The following TPCN1 variants were observed in gnomAD, a reference collection of about 807,000 sequenced individuals.
The protein encoded by TPCN1 is two pore segment channel 1, also known as two pore channel protein 1.
TPCN1 carries 52 observed loss-of-function variants against 108.8 expected under a neutral mutation model. That is an observed-to-expected ratio of 0.48 (90% CI 0.38 to 0.60). The LOEUF is 0.60. TPCN1 is among the 20% of genes least tolerant of loss of function. The probability of loss-of-function intolerance (pLI) is 0.00; values close to 1 mark genes in which losing one functional copy is unlikely to be tolerated. For synonymous variants in TPCN1, 446 were observed against 433.7 expected (o/e 1.03, Z -0.35); for missense variants, 806 against 1,072.8 (o/e 0.75, Z 3.47).
At position 113,268,342 on chromosome 12, in the gene TPCN1, C is replaced by T. The variant is rs548017489; in HGVS notation, c.528+386C>T. On this transcript the variant is annotated intron_variant, in intron 5 of 27. Coordinates refer to ENST00000335509, the MANE Select transcript of TPCN1 (RefSeq NM_017901.6). This position sits in a 1 kb window ranked among gnomAD's most constrained non-coding sequence, Gnocchi z 7.3. The stretch of plus-strand genomic sequence containing the variant: ...ACAGAGAGTGGCATGAGTAAGAGCA[C>T]GTCAAGGTGGCATTTTGTAGTGTGT... 9.9e-5 allele frequency among the ~76,000 whole-genome samples: 15 copies of T among 152,112 alleles called. No individual in the cohort carries two copies. The highest frequency in any genetic ancestry group is 1.6e-4 in the Non-Finnish European group (11 of 68,030).
chr12:113,293,006 A>G lies in TPCN1; in HGVS notation c.2186A>G (p.Glu729Gly), dbSNP rs1956317027. The change falls in exon 26 of 28, where the codon GAG becomes GGG. Residue 729 changes from glutamate to glycine, a missense_variant. Physicochemically the swap from Glu to Gly is moderately conservative, Grantham distance 98. Transcript: ENST00000335509. The stretch of plus-strand genomic sequence containing the variant: ...GTTGCCGTCCTGGAGCTCTACCGGG[A>G]GGCACGGGGGGCCTCCTCGGATGTC... ...ELVAVLELYR[E>G]ARGASSDVTR... The G allele has an allele frequency of 6.2e-7, 1 of 1,613,304 alleles. No homozygotes were observed. The highest frequency in any genetic ancestry group is 1.3e-5 in the African/African-American group (1 of 75,020).
chr12:113,261,589 C>T (rs1029654604), intron 3 of TPCN1, among the ~76,000 whole-genome samples: 5 of 151,648 alleles, frequency 3.3e-5, no homozygotes, highest in East Asian at 1.9e-4. Context: ...CCACCATGCC[C>T]GGCTAATTTT....
rs749197783 is a variant in TPCN1 at position 113,277,285 on chromosome 12, T to C, written c.1105T>C (p.Phe369Leu). The C allele has an allele frequency of 7.4e-6, 12 of 1,614,002 alleles. No individual in the cohort carries two copies. The highest frequency in any genetic ancestry group is 9.3e-6 in the Non-Finnish European group (11 of 1,179,992). ...SYRQFEGLMR[F>L]YKPRMSARER... ...CAGGCAGTTTGAAGGCCTCATGCGCTTCTACAAGCCCCGGATGAGTGCCAG... is the reference window on the plus strand; with the variant it reads ...CAGGCAGTTTGAAGGCCTCATGCGCCTCTACAAGCCCCGGATGAGTGCCAG... Residue 369 changes from phenylalanine (F) to leucine (L), a missense_variant, in exon 12 of 28, where the codon TTC (phenylalanine) becomes CTC (leucine). Transcript: ENST00000335509.
chr12:113,267,145 A>G (rs761366315), intron 4 of TPCN1, among the ~76,000 whole-genome samples: 7 of 152,124 alleles, frequency 4.6e-5, no homozygotes, highest in Non-Finnish European at 8.8e-5. Flanking sequence ...TCTGTTTCCC[A>G]GAAGCACTTG....
chr12:113,221,518 C>T lies in TPCN1; in HGVS notation c.-234C>T. 3.4e-6 allele frequency: 1 copy of T among 290,178 alleles called. No individual in the cohort carries two copies. The highest frequency in any genetic ancestry group is 2.8e-5 in the South Asian group (1 of 35,092). The allele number at this position is 290,178 out of a possible 1,614,324, so 18.0% of individuals were successfully genotyped here. A position where few individuals can be genotyped will look rare whatever the true frequency, so the allele number is the denominator to read the frequency against. On this transcript the variant is annotated 5_prime_UTR_variant, in exon 1 of 28. Coordinates refer to ENST00000335509, the MANE Select transcript of TPCN1 (RefSeq NM_017901.6). ...GCTGAAGTGGCGGCGGCTTCGGCGG[C>T]TGCGGCGGCTGCAACAGCTTCGGGC...
intron 2 of TPCN1, among the ~76,000 whole-genome samples, chr12:113,239,670 G>T (rs987108453): frequency 3.3e-5 from 5 of 152,150 alleles, no homozygotes; most frequent in African/African-American, 1.2e-4. Context: ...GCAGGGCATG[G>T]CGTTGCTGCC....
chr12:113,278,257 C>A lies in TPCN1; in HGVS notation c.1233+20C>A. On this transcript the variant is annotated intron_variant, in intron 13 of 27. Transcript: ENST00000335509. ...TGGAAGGTGAGTTCTTCTCTGAGAC[C>A]ATAGAAGGAGTAGACAGAGAGGTCC... 1 of 1,612,130 alleles carries A rather than the reference C, an allele frequency of 6.2e-7. No individual in the cohort carries two copies. The highest frequency in any genetic ancestry group is 1.1e-5 in the South Asian group (1 of 90,982).
chr12:113,242,798 T>C (rs1954201909), intron 2 of TPCN1, among the ~76,000 whole-genome samples: 1 of 152,166 alleles, frequency 6.6e-6, no homozygotes, highest in Admixed American at 6.5e-5. Context: ...TCATCCCTCA[T>C]GCTTGAAATG....
At chr12:113,225,121 C>A (rs1485328718) in intron 1 of TPCN1, 2 of 380,184 alleles carry the variant, frequency 5.3e-6, no homozygotes, top group Non-Finnish European at 1.1e-5. Context: ...GTGGTGTGAT[C>A]ATAGCTCACT....
In TPCN1 at chr12:113,280,204, G is replaced by C. The variant is rs747529218; in HGVS notation, c.1342+9G>C. 6 of 1,607,176 alleles carry C rather than the reference G, an allele frequency of 3.7e-6. No homozygotes were observed. The highest frequency in any genetic ancestry group is 5.1e-6 in the Non-Finnish European group (6 of 1,174,316). On this transcript the variant is annotated intron_variant, in intron 15 of 27. Transcript: ENST00000335509. The stretch of plus-strand genomic sequence containing the variant: ...CTTCCAGTATTTCATGTGTAAGTGT[G>C]AAATATCTCCACTCTAGGCCACTTT...
At chr12:113,233,652 G>A (rs760711571) in intron 2 of TPCN1, among the ~76,000 whole-genome samples, 3 of 152,252 alleles carry the variant, frequency 2.0e-5, no homozygotes, top group Admixed American at 6.5e-5. Context: ...GGGAGAGGAT[G>A]TGCCTGGGTC....
rs552257504 is a variant in TPCN1 at position 113,266,116 on chromosome 12, G to A, written c.238-64G>A. The stretch of plus-strand genomic sequence containing the variant: ...GGCCTTCCTTTCCTCCCCTGCCCGC[G>A]GCTCCTCTTTGGCGTTGGATGGGTC... On this transcript the variant is annotated intron_variant, in intron 3 of 27. Coordinates refer to ENST00000335509, the MANE Select transcript of TPCN1 (RefSeq NM_017901.6). This position sits in a 1 kb window ranked among gnomAD's most constrained non-coding sequence, Gnocchi z 4.2. 1,050 of 1,571,774 alleles carry A rather than the reference G, an allele frequency of 6.7e-4. 11 individuals carry two copies. Among genetic ancestry groups the A allele is most frequent in the Middle Eastern group, 4.4e-3 (26 of 5,874 alleles).
Position 113,268,333 on chromosome 12 carries a change from G to A in TPCN1, c.528+377G>A, listed in dbSNP as rs1263016165. On this transcript the variant is annotated intron_variant, in intron 5 of 27. Coordinates refer to ENST00000335509, the MANE Select transcript of TPCN1 (RefSeq NM_017901.6). This position sits in a 1 kb window ranked among gnomAD's most constrained non-coding sequence, Gnocchi z 7.3. The stretch of plus-strand genomic sequence containing the variant: ...CTCTGTGCCACAGAGAGTGGCATGA[G>A]TAAGAGCACGTCAAGGTGGCATTTT... 6.6e-6 allele frequency among the ~76,000 whole-genome samples: 1 copy of A among 152,230 alleles called. No individual in the cohort carries two copies. Among genetic ancestry groups the A allele is most frequent in the Non-Finnish European group, 1.5e-5 (1 of 68,034 alleles).
chr12:113,242,825 C>T (rs1157340114), intron 2 of TPCN1, among the ~76,000 whole-genome samples: 2 of 152,224 alleles, frequency 1.3e-5, no homozygotes, highest in Non-Finnish European at 2.9e-5. Flanking sequence ...CTGGCATTCC[C>T]CTGAGTTCCT....
chr12:113,278,097 ATAAAG>A, intron 12 of TPCN1, 87 bp from the exon 13 acceptor site: 2 of 1,063,534 alleles, frequency 1.9e-6, no homozygotes, highest in Non-Finnish European at 2.9e-6. Flanking sequence ...CCCTCACCCC[ATAAAG>A]GTGTCCATAG....
chr12:113,254,739 A>C (rs1323069456), intron 2 of TPCN1, among the ~76,000 whole-genome samples: 2 of 152,236 alleles, frequency 1.3e-5, no homozygotes, highest in African/African-American at 4.8e-5. Flanking sequence ...GTTGGTGCTC[A>C]AAAAGTTTGG....
intron 2 of TPCN1, among the ~76,000 whole-genome samples, chr12:113,256,247 A>C (rs1331798031): frequency 6.6e-6 from 1 of 151,942 alleles, no homozygotes; most frequent in African/African-American, 2.4e-5. Flanking sequence ...AAATTGACTA[A>C]TTCTAAAGTT....
intron 2 of TPCN1, among the ~76,000 whole-genome samples, chr12:113,248,801 A>G (rs573867267): frequency 6.6e-6 from 1 of 152,244 alleles, no homozygotes; most frequent in African/African-American, 2.4e-5. Context: ...GTTATATTAA[A>G]CAAAAAAGTT....
At position 113,269,650 on chromosome 12, in the gene TPCN1, G is replaced by T. The variant is rs1052036384; in HGVS notation, c.660-107G>T. The T allele has an allele frequency of 2.1e-6, 2 of 948,782 alleles. No individual in the cohort carries two copies. The highest frequency in any genetic ancestry group is 1.6e-5 in the African/African-American group (1 of 61,360). The allele number at this position is 948,782 out of a possible 1,614,324, so 58.8% of individuals were successfully genotyped here. A position where few individuals can be genotyped will look rare whatever the true frequency, so the allele number is the denominator to read the frequency against. On this transcript the variant is annotated intron_variant, in intron 6 of 27. Transcript: ENST00000335509. The surrounding 1 kb of genome is among the most constrained non-coding windows in gnomAD (Gnocchi z 5.0). Reference sequence around the variant, plus strand: ...TGATGTCACACCAGAGTGCGTCAGGGTTTAGTATTTCGAGTCAGAAGCACT... The same window carrying T: ...TGATGTCACACCAGAGTGCGTCAGGTTTTAGTATTTCGAGTCAGAAGCACT...
Sources: allele counts gnomAD v4.1 joint callset (sites outside exome capture counted in the v4.1 genomes callset), GRCh38; gene constraint gnomAD v4.1.1; non-coding constraint Gnocchi (gnomAD v3.1); transcripts MANE v1.5; gene names NCBI Gene and HGNC (gene_info 2026-07-23, HGNC 2026-07-21).